The following GRIP1 variants were observed in gnomAD, a reference collection of about 807,000 sequenced individuals.
GRIP1 encodes the protein glutamate receptor-interacting protein 1.
A neutral mutation model predicts 129.9 loss-of-function variants in GRIP1; 45 were observed. The observed-to-expected ratio is 0.35, with a 90% CI of 0.27 to 0.44. The LOEUF is 0.44. GRIP1 is among the 20% of genes least tolerant of loss of function. GRIP1 has a pLI of 1.00. For missense variants in GRIP1, 1,196 were observed against 1,396.8 expected, an observed-to-expected ratio of 0.86 and a Z score of 2.29; for synonymous variants, 530 against 520.8, an observed-to-expected ratio of 1.02 and a Z score of -0.24.
chr12:66,868,493 G>T (rs2040242230), intron 1 of GRIP1, among the ~76,000 whole-genome samples: 1 of 151,980 alleles, frequency 6.6e-6, no homozygotes, highest in Non-Finnish European at 1.5e-5. Context: ...ACTTAAGAAT[G>T]TTACCCACAG....
rs1005008591 is a variant in GRIP1 at position 66,432,523 on chromosome 12, T to G, written c.1768+25A>C. The G allele has an allele frequency of 3.6e-6, 5 of 1,387,836 alleles. No homozygotes were observed. The South Asian group carries it at 5.8e-5, about 16-fold the overall frequency. The allele number at this position is 1,387,836 out of a possible 1,614,324, so 86.0% of individuals were successfully genotyped here. ...AGTTTTCTAATGCCTTTAAAAATTATTTAAAAGAAATAACTTCTACTTACA... is the reference window on the plus strand; with the variant it reads ...AGTTTTCTAATGCCTTTAAAAATTAGTTAAAAGAAATAACTTCTACTTACA... On this transcript the variant is annotated intron_variant, in intron 14 of 24. Transcript: ENST00000359742.
intron 1 of GRIP1, among the ~76,000 whole-genome samples, chr12:66,731,538 T>C (rs528650211): frequency 6.6e-6 from 1 of 152,296 alleles, no homozygotes; most frequent in Admixed American, 6.5e-5. Flanking sequence ...TATTTAATCA[T>C]TGAAACTATA....
chr12:66,677,811 C>T (rs1003876071), intron 1 of GRIP1, among the ~76,000 whole-genome samples: 2 of 152,146 alleles, frequency 1.3e-5, no homozygotes, highest in Non-Finnish European at 2.9e-5. Context: ...AGCTGCACTG[C>T]TGGTGATCAA....
intron 1 of GRIP1, among the ~76,000 whole-genome samples, chr12:66,941,189 G>A (rs1194569220): frequency 6.6e-6 from 1 of 152,054 alleles, no homozygotes; most frequent in Admixed American, 6.6e-5. Context: ...TTCAGGGCAG[G>A]TGGTTTAAGA....
chr12:67,062,416 T>C (rs563045111), intron 1 of GRIP1, among the ~76,000 whole-genome samples: 3 of 152,332 alleles, frequency 2.0e-5, no homozygotes, highest in Admixed American at 6.5e-5. Flanking sequence ...ACCATGCTCC[T>C]TGCCTGAAAT....
At chr12:66,616,680 A>G (rs2065050926) in intron 1 of GRIP1, among the ~76,000 whole-genome samples, 1 of 152,130 alleles carries the variant, frequency 6.6e-6, no homozygotes, top group Admixed American at 6.6e-5. Flanking sequence ...AAAACTAAGT[A>G]TACAAAAGGT....
At chr12:67,012,045 C>T (rs2042716463) in intron 1 of GRIP1, among the ~76,000 whole-genome samples, 2 of 152,186 alleles carry the variant, frequency 1.3e-5, no homozygotes, top group Non-Finnish European at 1.5e-5. Context: ...ACCCTCACCA[C>T]TCATGTCTGT....
chr12:66,910,177 T>C (rs2041005441), intron 1 of GRIP1, among the ~76,000 whole-genome samples: 1 of 152,210 alleles, frequency 6.6e-6, no homozygotes, highest in Non-Finnish European at 1.5e-5. Flanking sequence ...CATCTCTTCC[T>C]AGCATTCATT....
At chr12:66,350,798 C>T (rs1054184922) in intron 24 of GRIP1, among the ~76,000 whole-genome samples, 1 of 152,196 alleles carries the variant, frequency 6.6e-6, no homozygotes, top group South Asian at 2.1e-4. Context: ...TCCTCCCCAA[C>T]CCACCTTCGA....
intron 1 of GRIP1, among the ~76,000 whole-genome samples, chr12:66,645,333 C>A (rs1278904389): frequency 6.6e-6 from 1 of 152,204 alleles, no homozygotes; most frequent in African/African-American, 2.4e-5. Context: ...GGTCGCCTGA[C>A]CTCTATTACA....
At position 66,474,796 on chromosome 12, in the gene GRIP1, C is replaced by G. The variant is rs188307251; in HGVS notation, c.725-9374G>C. ...CAAATGCTGAGAGACTTTGTCACCA[C>G]CAGGCCTGCCCTACAAGAGCTCCTG... On this transcript the variant is annotated intron_variant, in intron 7 of 24. Transcript: ENST00000359742. Among the ~76,000 whole-genome samples the G allele has an allele frequency of 2.5e-3, 384 of 152,270 alleles. 4 individuals carry two copies. The highest frequency in any genetic ancestry group is 8.8e-3 in the African/African-American group (367 of 41,548).
chr12:66,831,282 G>C (rs552819984), intron 1 of GRIP1, among the ~76,000 whole-genome samples: 1 of 152,218 alleles, frequency 6.6e-6, no homozygotes, highest in Admixed American at 6.5e-5. Context: ...CACTAGGCTC[G>C]TTTTTTCCAG....
chr12:66,815,330 G>C (rs1566036468), intron 1 of GRIP1, among the ~76,000 whole-genome samples: 1 of 152,078 alleles, frequency 6.6e-6, no homozygotes, highest in Non-Finnish European at 1.5e-5. Context: ...ACCTAGCTCA[G>C]GAACTCCATT....
intron 1 of GRIP1, among the ~76,000 whole-genome samples, chr12:66,731,659 TA>T (rs2036441491): frequency 6.6e-6 from 1 of 152,120 alleles, no homozygotes; most frequent in Non-Finnish European, 1.5e-5. Flanking sequence ...AGAAAAGAAT[TA>T]GGTCATAATA....
chr12:67,010,727 G>A (rs2042693121), intron 1 of GRIP1, among the ~76,000 whole-genome samples: 1 of 142,730 alleles, frequency 7.0e-6, no homozygotes, highest in African/African-American at 2.6e-5. Flanking sequence ...AGATCTGAGT[G>A]CAGAAAGCGG....
chr12:66,442,085 T>C lies in GRIP1; in HGVS notation c.1687+2499A>G, dbSNP rs145344607. Among the ~76,000 whole-genome samples the C allele has an allele frequency of 1.3e-4, 20 of 152,324 alleles. No homozygotes were observed. In the Middle Eastern group the frequency reaches 0.017, roughly 130 times the overall value. On this transcript the variant is annotated intron_variant, in intron 13 of 24. Transcript: ENST00000359742. ...CTGCTTCTGCTATTTTCCCCTCCCATGTCAGAAGGCTCTTTCTAAAACATT... is the reference window on the plus strand; with the variant it reads ...CTGCTTCTGCTATTTTCCCCTCCCACGTCAGAAGGCTCTTTCTAAAACATT...
intron 15 of GRIP1, among the ~76,000 whole-genome samples, chr12:66,414,048 T>A (rs1035872563): frequency 6.6e-6 from 1 of 152,148 alleles, no homozygotes; most frequent in Non-Finnish European, 1.5e-5. Flanking sequence ...AAGACAAGGA[T>A]GCCCTCTCAT....
At chr12:66,433,831 C>G (rs953578743) in intron 13 of GRIP1, among the ~76,000 whole-genome samples, 1 of 152,146 alleles carries the variant, frequency 6.6e-6, no homozygotes, top group Non-Finnish European at 1.5e-5. Flanking sequence ...GTGAGCTATC[C>G]ACTTGGCCGG....
intron 1 of GRIP1, among the ~76,000 whole-genome samples, chr12:66,924,804 A>T (rs1331739452): frequency 2.0e-5 from 3 of 152,030 alleles, no homozygotes; most frequent in Non-Finnish European, 2.9e-5. Flanking sequence ...CGTCTCTATT[A>T]AAAAAATACC....
Sources: gnomAD v4.1 joint callset for allele counts (sites outside exome capture counted in the v4.1 genomes callset) on GRCh38, gnomAD v4.1.1 for gene constraint, MANE v1.5 for transcripts, NCBI Gene and HGNC (gene_info 2026-07-23, HGNC 2026-07-21) for gene names.